RARS1: variants seen among roughly 807,000 people sequenced by gnomAD.
RARS1 encodes arginyl-tRNA synthetase 1, also known as arginine--tRNA ligase, cytoplasmic.
In RARS1, 75 loss-of-function variants were observed where a neutral mutation model predicts 78.7. That is an observed-to-expected ratio of 0.95 (90% CI 0.79 to 1.15). The LOEUF is 1.15. RARS1 is among the 50% of genes most tolerant of loss of function. RARS1 has a pLI of 0.00. For missense variants in RARS1, 787 were observed against 787.5 expected (o/e 1.00, Z 0.01); for synonymous variants, 273 against 268.2 (o/e 1.02, Z -0.18).
intron 1 of RARS1, among the ~76,000 whole-genome samples, chr5:168,487,432 G>T (rs1297703819): frequency 2.0e-5 from 3 of 152,104 alleles, no homozygotes; most frequent in Non-Finnish European, 2.9e-5. Context: ...GGGAGGGATG[G>T]TAGGAAGATA....
At position 168,492,543 on chromosome 5, in the gene RARS1, G is replaced by A. The variant is rs2305726; in HGVS notation, c.181-116G>A. On this transcript the variant is annotated intron_variant, in intron 2 of 14. Coordinates refer to ENST00000231572, the MANE Select transcript of RARS1 (RefSeq NM_002887.4). ...ATTGAGGGCATCACACCATAAGTAC[G>A]TTTTCCCTTTTGGTTCTTAAGATAT... The A allele has an allele frequency of 0.16, 142,435 of 893,106 alleles. 12,752 individuals carry two copies. Among genetic ancestry groups the A allele is most frequent in the Non-Finnish European group, 0.19 (112,479 of 599,932 alleles). The allele number at this position is 893,106 out of a possible 1,614,324, so 55.3% of individuals were successfully genotyped here.
intron 9 of RARS1, among the ~76,000 whole-genome samples, chr5:168,504,062 GAAAAAAA>G (rs35643354): frequency 1.5e-5 from 2 of 131,834 alleles, no homozygotes; most frequent in Non-Finnish European, 3.2e-5. Flanking sequence ...CCCTGTCTCT[GAAAAAAA>G]AAAAAAAAAG....
chr5:168,506,962 C>A, intron 11 of RARS1, 131 bp downstream of exon 11: 1 of 693,990 alleles, frequency 1.4e-6, no homozygotes, highest in Non-Finnish European at 2.4e-6. Context: ...TGGTGTAAAC[C>A]CAGCTGAGTG....
chr5:168,492,947 T>C, intron 3 of RARS1, 100 bp downstream of exon 3: 1 of 1,129,722 alleles, frequency 8.9e-7, no homozygotes, highest in Non-Finnish European at 1.2e-6. Flanking sequence ...GTATCCTTAG[T>C]GAAAAGGACA....
At position 168,486,492 on chromosome 5, in the gene RARS1, T is replaced by A; in HGVS notation, c.-7T>A. 11 of 1,557,542 alleles carry A rather than the reference T, an allele frequency of 7.1e-6. No homozygotes were observed. Among genetic ancestry groups the A allele is most frequent in the Non-Finnish European group, 8.7e-6 (10 of 1,149,724 alleles). On this transcript the variant is annotated 5_prime_UTR_variant, in exon 1 of 15. The change abolishes an upstream ATG in the 5' untranslated region. Coordinates refer to ENST00000231572, the MANE Select transcript of RARS1 (RefSeq NM_002887.4). The stretch of plus-strand genomic sequence containing the variant: ...GTCCACTTGGCGAGTGAGACGCTGA[T>A]GGGAGGATGGACGTACTGGTGTCTG...
intron 14 of RARS1, among the ~76,000 whole-genome samples, chr5:168,518,793 G>A (rs566680192): frequency 1.3e-5 from 2 of 152,250 alleles, no homozygotes; most frequent in Non-Finnish European, 2.9e-5. Context: ...ATTTCAGACC[G>A]TGAGGACTAG....
intron 11 of RARS1, among the ~76,000 whole-genome samples, chr5:168,510,094 G>A (rs1758535805): frequency 6.6e-6 from 1 of 152,200 alleles, no homozygotes; most frequent in Non-Finnish European, 1.5e-5. Context: ...AGAGGAATTA[G>A]TATACAGAGA....
chr5:168,508,678 G>A (rs539904957), intron 11 of RARS1, among the ~76,000 whole-genome samples: 26 of 150,994 alleles, frequency 1.7e-4, no homozygotes, highest in Middle Eastern at 3.4e-3. Flanking sequence ...TAAGAAAAAG[G>A]TTTGTTTTCT....
intron 10 of RARS1, 54 bp downstream of exon 10, chr5:168,506,253 T>A: frequency 7.3e-7 from 1 of 1,375,286 alleles, no homozygotes; most frequent in Non-Finnish European, 9.8e-7. Flanking sequence ...GGTAAGACAG[T>A]ATGGTGAGGT....
rs754190393 is a variant in RARS1 at position 168,517,819 on chromosome 5, A to T, written c.1630A>T (p.Ile544Phe). The change falls in exon 14 of 15, where the codon ATT becomes TTT. Residue 544 changes from isoleucine (I) to phenylalanine (F), a missense_variant. Transcript: ENST00000231572. ...GATTTTTTTGTTTTTTTTAAGGTCTATTGCACGTCTGGCCAATATTGATGA... is the reference window on the plus strand; with the variant it reads ...GATTTTTTTGTTTTTTTTAAGGTCTTTTGCACGTCTGGCCAATATTGATGA... The part of the protein sequence containing the change: ...LLYAFTRIRS[I>F]ARLANIDEEM... 1.2e-6 allele frequency: 2 copies of T among 1,606,824 alleles called. No individual in the cohort carries two copies. Among genetic ancestry groups the T allele is most frequent in the East Asian group, 2.2e-5 (1 of 44,512 alleles).
intron 3 of RARS1, 121 bp from the exon 4 acceptor site, chr5:168,493,773 C>T: frequency 1.4e-6 from 1 of 718,094 alleles, no homozygotes; most frequent in East Asian, 2.7e-5. Flanking sequence ...GATTGGACTT[C>T]TCTGCTTCTG....
chr5:168,501,942 T>A, intron 8 of RARS1, 59 bp from the exon 9 acceptor site: 4 of 1,553,038 alleles, frequency 2.6e-6, no homozygotes, highest in Middle Eastern at 2.2e-4. Flanking sequence ...GATGCATGTT[T>A]CCTGTTTTTA....
intron 11 of RARS1, among the ~76,000 whole-genome samples, chr5:168,509,445 C>T (rs867041199): frequency 2.0e-5 from 3 of 146,770 alleles, no homozygotes; most frequent in East Asian, 4.2e-4. Flanking sequence ...AACACCCCCC[C>T]CCCCCCACCA....
intron 3 of RARS1, 46 bp downstream of exon 3, chr5:168,492,893 T>G (rs761148367): frequency 7.1e-7 from 1 of 1,408,072 alleles, no homozygotes; most frequent in African/African-American, 1.4e-5. Flanking sequence ...TTTTAAGTAT[T>G]ATTATCATCA....
intron 11 of RARS1, among the ~76,000 whole-genome samples, chr5:168,507,341 A>AT (rs1174990768): frequency 1.3e-5 from 2 of 152,116 alleles, no homozygotes; most frequent in Non-Finnish European, 2.9e-5. Flanking sequence ...CTATTTTCTA[A>AT]TTTTTTTATA....
intron 8 of RARS1, 22 bp from the exon 9 acceptor site, chr5:168,501,964 TGCATTTTATTTGGTG>T (rs749502770): frequency 1.9e-6 from 3 of 1,568,030 alleles, no homozygotes; most frequent in Middle Eastern, 1.9e-4. Flanking sequence ...AAAATTCTTA[TGCATTTTATTTGGTG>T]GCATTTTATT....
chr5:168,507,485 C>G (rs1758472241), intron 11 of RARS1, among the ~76,000 whole-genome samples: 1 of 152,178 alleles, frequency 6.6e-6, no homozygotes, highest in Non-Finnish European at 1.5e-5. Flanking sequence ...TACCAAAAAT[C>G]TGTGGCATCT....
chr5:168,502,524 T>G (rs1434919916), intron 9 of RARS1, among the ~76,000 whole-genome samples: 1 of 149,516 alleles, frequency 6.7e-6, no homozygotes, highest in East Asian at 2.0e-4. Context: ...AATAATTTCT[T>G]AATACCATTA....
In RARS1 at chr5:168,517,773, G is replaced by T. The variant is rs767628084; in HGVS notation, c.1626-42G>T. ...GAGAATGAGTGTGCCTAAAAAAAGG[G>T]AACAGTGGTGATTGCCTGATGATTT... On this transcript the variant is annotated intron_variant, in intron 13 of 14. Transcript: ENST00000231572. 5.6e-6 allele frequency: 8 copies of T among 1,418,468 alleles called. No homozygotes were observed. In the South Asian group the frequency reaches 8.5e-5, roughly 15 times the overall value. 87.9% of individuals were successfully genotyped at this position (1,418,468 alleles called of 1,614,324 possible). A position where few individuals can be genotyped will look rare whatever the true frequency, so the allele number is the denominator to read the frequency against.
Sources: gnomAD v4.1 joint callset for allele counts (sites outside exome capture counted in the v4.1 genomes callset) on GRCh38, gnomAD v4.1.1 for gene constraint, MANE v1.5 for transcripts, NCBI Gene and HGNC (gene_info 2026-07-23, HGNC 2026-07-21) for gene names.